Variants in DYM observed in about 807,000 individuals in gnomAD.
DYM encodes the protein dyggve-Melchior-Clausen syndrome protein.
DYM carries 78 observed loss-of-function variants against 93.1 expected under a neutral mutation model. The observed-to-expected ratio is 0.84, with a 90% CI of 0.70 to 1.01. The LOEUF is 1.01. Ranked by LOEUF, DYM falls within the 50% of genes least tolerant of loss-of-function variation. DYM has a pLI of 0.00. For synonymous variants in DYM, 321 were observed against 319.7 expected (o/e 1.00, Z -0.04); for missense variants, 789 against 845.0 (o/e 0.93, Z 0.82).
At chr18:49,286,163 T>C in intron 9 of DYM, among the ~76,000 whole-genome samples, 1 of 152,158 alleles carries the variant, frequency 6.6e-6, no homozygotes, top group East Asian at 1.9e-4. Flanking sequence ...TTCCTATCCC[T>C]AACAGGTAGT....
chr18:49,233,252 G>A (rs552366320), intron 13 of DYM, among the ~76,000 whole-genome samples: 301 of 151,774 alleles, frequency 2.0e-3, no homozygotes, highest in African/African-American at 6.6e-3. Context: ...CCAGCTACCC[G>A]GGAGGCTGAG....
chr18:49,117,349 G>A (rs1472221933), intron 16 of DYM, among the ~76,000 whole-genome samples: 1 of 152,154 alleles, frequency 6.6e-6, no homozygotes, highest in Non-Finnish European at 1.5e-5. Flanking sequence ...TCATGAAAAA[G>A]CCATGAAAAT....
intron 2 of DYM, 139 bp from the exon 3 acceptor site, chr18:49,391,784 G>T: frequency 3.3e-6 from 2 of 609,846 alleles, no homozygotes; most frequent in East Asian, 3.3e-5. Context: ...AATAAGATCA[G>T]CAAAAAAAAA....
chr18:49,430,118 G>A, intron 2 of DYM, 137 bp downstream of exon 2: 1 of 863,902 alleles, frequency 1.2e-6, no homozygotes, highest in Non-Finnish European at 1.9e-6. Context: ...CAAATCTTTT[G>A]GATTTTCTAC....
chr18:49,459,073 G>T (rs1037241576), intron 1 of DYM, among the ~76,000 whole-genome samples: 1 of 152,136 alleles, frequency 6.6e-6, no homozygotes, highest in Non-Finnish European at 1.5e-5. Flanking sequence ...GTTAAAAGGT[G>T]CAAAAACATA....
In DYM at chr18:49,156,136, T is replaced by G. The variant is rs567732196; in HGVS notation, c.1728+7549A>C. ...ATGGTTTTGATCTGCATTTCCTTAA[T>G]AGCCAATGATGTTGAGTATATTTTG... On this transcript the variant is annotated intron_variant, in intron 15 of 17. Coordinates refer to ENST00000675505, the MANE Select transcript of DYM (RefSeq NM_001353214.3). Among the ~76,000 whole-genome samples, 61 of 152,348 alleles carry G rather than the reference T, an allele frequency of 4.0e-4. No individual in the cohort carries two copies. In the South Asian group the frequency reaches 6.0e-3, roughly 15 times the overall value.
intron 14 of DYM, among the ~76,000 whole-genome samples, chr18:49,165,125 A>G (rs1026315621): frequency 5.3e-5 from 8 of 152,204 alleles, no homozygotes; most frequent in Admixed American, 3.9e-4. Context: ...TGGAATGGCC[A>G]TGTTAATTTC....
chr18:49,243,666 CAA>C (rs59748721), intron 13 of DYM, among the ~76,000 whole-genome samples: 8 of 114,198 alleles, frequency 7.0e-5, no homozygotes, highest in Non-Finnish European at 8.6e-5. Flanking sequence ...GGCTCTGTCT[CAA>C]AAAAAAAAAA....
At chr18:49,351,136 G>C (rs918141599) in intron 6 of DYM, among the ~76,000 whole-genome samples, 1 of 152,034 alleles carries the variant, frequency 6.6e-6, no homozygotes, top group African/African-American at 2.4e-5. Context: ...AAAAAAGAGG[G>C]AAGGGCCGGG....
intron 13 of DYM, among the ~76,000 whole-genome samples, chr18:49,221,548 C>T (rs1255020559): frequency 6.6e-6 from 1 of 152,144 alleles, no homozygotes; most frequent in Non-Finnish European, 1.5e-5. Context: ...AAATGTGGCA[C>T]ATATACACCA....
intron 17 of DYM, among the ~76,000 whole-genome samples, chr18:49,087,420 T>G (rs577434310): frequency 6.6e-6 from 1 of 152,216 alleles, no homozygotes; most frequent in Admixed American, 6.5e-5. Context: ...AGAATAAAAC[T>G]GCTTAAAAAT....
intron 13 of DYM, among the ~76,000 whole-genome samples, chr18:49,234,077 C>T (rs1489410490): frequency 6.6e-6 from 1 of 152,004 alleles, no homozygotes; most frequent in African/African-American, 2.4e-5. Flanking sequence ...TGCAGTGAGC[C>T]GTGATCGCAC....
intron 15 of DYM, among the ~76,000 whole-genome samples, chr18:49,139,659 G>C (rs1443855717): frequency 6.6e-6 from 1 of 152,128 alleles, no homozygotes; most frequent in Non-Finnish European, 1.5e-5. Flanking sequence ...CCTTATATCT[G>C]AATGTCTATC....
At chr18:49,368,603 T>A (rs897641881) in intron 5 of DYM, 2 of 152,180 alleles carry the variant, frequency 1.3e-5, no homozygotes, top group African/African-American at 2.4e-5. Context: ...TGGGTTTACC[T>A]CCTGAGCTAC....
chr18:49,240,128 T>G (rs1042469041), intron 13 of DYM, among the ~76,000 whole-genome samples: 1 of 152,196 alleles, frequency 6.6e-6, no homozygotes, highest in Non-Finnish European at 1.5e-5. Flanking sequence ...TAAATATTGA[T>G]TATACTGATG....
intron 13 of DYM, among the ~76,000 whole-genome samples, chr18:49,216,208 C>G (rs543177865): frequency 3.3e-5 from 5 of 152,196 alleles, no homozygotes; most frequent in Non-Finnish European, 5.9e-5. Flanking sequence ...GAGGGGCGCC[C>G]GCCATTGCCC....
intron 6 of DYM, among the ~76,000 whole-genome samples, chr18:49,337,639 G>T (rs1312231440): frequency 6.6e-6 from 1 of 152,060 alleles, no homozygotes; most frequent in Non-Finnish European, 1.5e-5. Context: ...GAGGGGGAAG[G>T]AGCAAAAAGG....
intron 1 of DYM, among the ~76,000 whole-genome samples, chr18:49,448,574 T>C (rs2082285013): frequency 6.6e-6 from 1 of 152,136 alleles, no homozygotes; most frequent in African/African-American, 2.4e-5. Flanking sequence ...GTTCCATGAC[T>C]GGGGGTCACA....
chr18:49,042,060 T>C lies in DYM; in HGVS notation c.*1995A>G, dbSNP rs1038938041. On this transcript the variant is annotated 3_prime_UTR_variant, in exon 18 of 18. Coordinates refer to ENST00000675505, the MANE Select transcript of DYM (RefSeq NM_001353214.3). ...AGTTGCAAATTATTTCCCCACATAGTAAATACATATCCTTGCTACCTGAAA... is the reference window on the plus strand; with the variant it reads ...AGTTGCAAATTATTTCCCCACATAGCAAATACATATCCTTGCTACCTGAAA... The C allele has an allele frequency of 6.6e-6, 1 of 152,368 alleles. No individual in the cohort carries two copies. Among genetic ancestry groups the C allele is most frequent in the South Asian group, 2.1e-4 (1 of 4,836 alleles). 9.4% of individuals were successfully genotyped at this position (152,368 alleles called of 1,614,324 possible). A position where few individuals can be genotyped will look rare whatever the true frequency, so the allele number is the denominator to read the frequency against.
Sources: gnomAD v4.1 joint callset for allele counts (sites outside exome capture counted in the v4.1 genomes callset) on GRCh38, gnomAD v4.1.1 for gene constraint, MANE v1.5 for transcripts, NCBI Gene and HGNC (gene_info 2026-07-23, HGNC 2026-07-21) for gene names.